DTNBP1: variants seen among roughly 807,000 people sequenced by gnomAD.
DTNBP1 encodes the protein dystrobrevin binding protein 1.
A neutral mutation model predicts 42.8 loss-of-function variants in DTNBP1; 35 were observed. The ratio of observed to expected loss-of-function variants is 0.82; its 90% CI spans 0.63 to 1.09. The LOEUF (loss-of-function observed/expected upper bound fraction) is 1.09, where lower values mean the gene tolerates loss of function less well. Among genes scored for constraint, DTNBP1 ranks in the 50% least tolerant of loss-of-function variants. The probability of loss-of-function intolerance (pLI) is 0.00; values close to 1 mark genes in which losing one functional copy is unlikely to be tolerated. For missense variants in DTNBP1, 457 were observed against 424.2 expected, an observed-to-expected ratio of 1.08 and a Z score of -0.68; for synonymous variants, 171 against 162.2, an observed-to-expected ratio of 1.05 and a Z score of -0.41.
chr6:15,523,320 G>A (rs1231339296), intron 9 of DTNBP1, 101 bp from the exon 10 acceptor site: 1 of 1,515,362 alleles, frequency 6.6e-7, no homozygotes, highest in Non-Finnish European at 9.1e-7. Flanking sequence ...AAAGGGGGGT[G>A]TGGTTTTTGT....
chr6:15,625,439 A>G (rs1759284423), intron 5 of DTNBP1, among the ~76,000 whole-genome samples: 1 of 152,206 alleles, frequency 6.6e-6, no homozygotes, highest in Non-Finnish European at 1.5e-5. Flanking sequence ...TCAGATTACT[A>G]AAAAAGAGAG....
At position 15,523,099 on chromosome 6, in the gene DTNBP1, C is replaced by G. The variant is rs781222579; in HGVS notation, c.932G>C (p.Ser311Thr). 1 of 1,614,260 alleles carries G rather than the reference C, an allele frequency of 6.2e-7. No individual in the cohort carries two copies. Among genetic ancestry groups the G allele is most frequent in the Admixed American group, 1.7e-5 (1 of 60,030 alleles). ...TCTDSATRDI[S>T]EGGESPVVQS... ...AACAACGGGGGACTCCCCACCCTCA[C>G]TGATGTCCCGGGTGGCCGAGTCGGT... The change falls in exon 10 of 10, where the codon AGT becomes ACT. Residue 311 changes from serine (S) to threonine (T), a missense_variant. By Grantham distance (58) the Ser-to-Thr change is moderately conservative. Coordinates refer to ENST00000344537, the MANE Select transcript of DTNBP1 (RefSeq NM_032122.5).
In DTNBP1 at chr6:15,652,719, T is replaced by C. The variant is rs115746416; in HGVS notation, c.57-579A>G. ...TGTAGCTTACTGTAACCTCAAACTC[T>C]TGGGCTCAAGCAATCTTCCCACCTC... On this transcript the variant is annotated intron_variant, in intron 1 of 9. Coordinates refer to ENST00000344537, the MANE Select transcript of DTNBP1 (RefSeq NM_032122.5). Among the ~76,000 whole-genome samples, 981 of 152,160 alleles carry C rather than the reference T, an allele frequency of 6.4e-3. 11 individuals are homozygous for C. The highest frequency in any genetic ancestry group is 0.023 in the African/African-American group (940 of 41,516).
chr6:15,574,146 C>G (rs976956023), intron 7 of DTNBP1, among the ~76,000 whole-genome samples: 6 of 152,176 alleles, frequency 3.9e-5, no homozygotes, highest in Non-Finnish European at 8.8e-5. Flanking sequence ...TGCATCACCA[C>G]AAAAACACAA....
In DTNBP1 at chr6:15,524,072, G is replaced by A. The variant is rs141211059; in HGVS notation, c.811+454C>T. 1.1e-5 allele frequency: 15 copies of A among 1,310,016 alleles called. No homozygotes were observed. The East Asian group carries it at 5.6e-4, about 49-fold the overall frequency. 81.1% of individuals were successfully genotyped at this position (1,310,016 alleles called of 1,614,324 possible). A position where few individuals can be genotyped will look rare whatever the true frequency, so the allele number is the denominator to read the frequency against. ...ATGAAAGGAACTGAAGTGCAACTAA[G>A]TTTACAACACAGGCCAAGAGCTGAA... is the stretch of plus-strand genomic sequence containing the variant. On this transcript the variant is annotated intron_variant, in intron 9 of 9. Coordinates refer to ENST00000344537, the MANE Select transcript of DTNBP1 (RefSeq NM_032122.5).
intron 1 of DTNBP1, among the ~76,000 whole-genome samples, chr6:15,657,848 C>G (rs781458185): frequency 1.3e-5 from 2 of 152,230 alleles, no homozygotes; most frequent in Non-Finnish European, 1.5e-5. Context: ...CCAGCTTCAT[C>G]TCCCAGGACT....
At chr6:15,600,483 A>AT (rs144949807) in intron 6 of DTNBP1, among the ~76,000 whole-genome samples, 32 of 152,086 alleles carry the variant, frequency 2.1e-4, no homozygotes, top group Middle Eastern at 3.4e-3. Flanking sequence ...TCATCATTTA[A>AT]TTTTTTTTAT....
In DTNBP1 at chr6:15,602,051, C is replaced by T. The variant is rs567973368; in HGVS notation, c.489-8970G>A. Among the ~76,000 whole-genome samples the T allele has an allele frequency of 2.5e-3, 378 of 152,050 alleles. 3 individuals are homozygous for T. The highest frequency in any genetic ancestry group is 8.6e-3 in the African/African-American group (357 of 41,450). On this transcript the variant is annotated intron_variant, in intron 6 of 9. Coordinates refer to ENST00000344537, the MANE Select transcript of DTNBP1 (RefSeq NM_032122.5). ...ACTTGGGAGGCTGAGGCAGGAGGACCTCTTGAGCAATATACCAAAACCCTG... is the reference window on the plus strand; with the variant it reads ...ACTTGGGAGGCTGAGGCAGGAGGACTTCTTGAGCAATATACCAAAACCCTG...
chr6:15,658,903 T>G (rs1218737957), intron 1 of DTNBP1, among the ~76,000 whole-genome samples: 1 of 152,268 alleles, frequency 6.6e-6, no homozygotes, highest in East Asian at 1.9e-4. Flanking sequence ...CTCTTCAGTC[T>G]GTGGCCTAAG....
chr6:15,559,793 C>A (rs1774738625), intron 7 of DTNBP1, among the ~76,000 whole-genome samples: 1 of 152,282 alleles, frequency 6.6e-6, no homozygotes, highest in Middle Eastern at 3.4e-3. Context: ...CAGAGTTTTG[C>A]CTCATCTGCC....
chr6:15,582,341 T>C (rs1449235628), intron 7 of DTNBP1, among the ~76,000 whole-genome samples: 1 of 152,186 alleles, frequency 6.6e-6, no homozygotes, highest in South Asian at 2.1e-4. Context: ...GCTGGGTGAC[T>C]TGTTTAACTC....
intron 9 of DTNBP1, 80 bp downstream of exon 9, chr6:15,524,446 A>G: frequency 6.2e-7 from 1 of 1,614,098 alleles, no homozygotes; most frequent in Non-Finnish European, 8.5e-7. Flanking sequence ...TGACTGGCAG[A>G]TGGTTCTCAC....
chr6:15,526,189 C>G (rs1420666017), intron 8 of DTNBP1, among the ~76,000 whole-genome samples: 1 of 152,192 alleles, frequency 6.6e-6, no homozygotes, highest in Admixed American at 6.5e-5. Context: ...AGAAACACGT[C>G]ATTATGAGCC....
intron 6 of DTNBP1, among the ~76,000 whole-genome samples, chr6:15,598,843 A>G (rs575564383): frequency 6.6e-6 from 1 of 152,294 alleles, no homozygotes; most frequent in Admixed American, 6.5e-5. Flanking sequence ...TTAAAATAAA[A>G]CCTCTTAAAA....
At chr6:15,545,919 A>AC in intron 7 of DTNBP1, 1 of 359,578 alleles carries the variant, frequency 2.8e-6, no homozygotes, top group Admixed American at 3.7e-5. Flanking sequence ...AGTTTAGAAG[A>AC]CCGGGGTCTG....
chr6:15,620,154 T>C (rs555155799), intron 5 of DTNBP1, among the ~76,000 whole-genome samples: 3 of 152,288 alleles, frequency 2.0e-5, no homozygotes, highest in Admixed American at 2.0e-4. Context: ...AGGCTAATAA[T>C]AATGTAGTTC....
Position 15,524,157 on chromosome 6 carries a change from G to T in DTNBP1, c.811+369C>A, listed in dbSNP as rs78330275. ...CCTAAATGCCTGTCGCACGAAGAGGGAAGAGTTTCCCGTGAGCCCCGCAGG... is the reference window on the plus strand; with the variant it reads ...CCTAAATGCCTGTCGCACGAAGAGGTAAGAGTTTCCCGTGAGCCCCGCAGG... On this transcript the variant is annotated intron_variant, in intron 9 of 9. Coordinates refer to ENST00000344537, the MANE Select transcript of DTNBP1 (RefSeq NM_032122.5). The T allele has an allele frequency of 3.4e-3, 4,779 of 1,423,682 alleles. 146 individuals are homozygous for T. In the African/African-American group the frequency reaches 0.059, roughly 18 times the overall value. 88.2% of individuals were successfully genotyped at this position (1,423,682 alleles called of 1,614,324 possible).
chr6:15,661,979 C>G (rs1265830418), intron 1 of DTNBP1, among the ~76,000 whole-genome samples: 1 of 152,146 alleles, frequency 6.6e-6, no homozygotes, highest in Non-Finnish European at 1.5e-5. Flanking sequence ...GCCAGGATGC[C>G]TAGGCAATCT....
intron 7 of DTNBP1, chr6:15,533,621 T>G (rs1773028887): frequency 1.4e-6 from 1 of 693,632 alleles, no homozygotes; most frequent in African/African-American, 1.7e-5. Flanking sequence ...TCCACACCTT[T>G]GCATGTGCTG....
Sources: gnomAD v4.1 joint callset for allele counts (sites outside exome capture counted in the v4.1 genomes callset) on GRCh38, gnomAD v4.1.1 for gene constraint, MANE v1.5 for transcripts, NCBI Gene and HGNC (gene_info 2026-07-23, HGNC 2026-07-21) for gene names.